The following HS6ST3 variants were observed in gnomAD, a reference collection of about 807,000 sequenced individuals.
The protein encoded by HS6ST3 is heparan sulfate 6-O-sulfotransferase 3.
In HS6ST3, 12 loss-of-function variants were observed where a neutral mutation model predicts 36.7. That is an observed-to-expected ratio of 0.33 (90% CI 0.21 to 0.53). HS6ST3 has a LOEUF of 0.53. Among genes scored for constraint, HS6ST3 ranks in the 20% least tolerant of loss-of-function variants. The probability of loss-of-function intolerance (pLI) is 0.95; values close to 1 mark genes in which losing one functional copy is unlikely to be tolerated. For missense variants in HS6ST3, 584 were observed against 640.9 expected, an observed-to-expected ratio of 0.91 and a Z score of 0.96; for synonymous variants, 240 against 257.5, an observed-to-expected ratio of 0.93 and a Z score of 0.65.
chr13:96,319,327 C>T (rs935942111), intron 1 of HS6ST3, among the ~76,000 whole-genome samples: 19 of 152,166 alleles, frequency 1.2e-4, no homozygotes, highest in Non-Finnish European at 2.1e-4. Flanking sequence ...CTTATAACGG[C>T]ACTTCATTTT....
intron 1 of HS6ST3, among the ~76,000 whole-genome samples, chr13:96,122,561 AC>A (rs943973755): frequency 6.6e-6 from 1 of 152,226 alleles, no homozygotes; most frequent in African/African-American, 2.4e-5. Context: ...AGAAAGACAC[AC>A]ACAAAATTAA....
At chr13:96,117,697 G>A (rs980051395) in intron 1 of HS6ST3, among the ~76,000 whole-genome samples, 1 of 152,270 alleles carries the variant, frequency 6.6e-6, no homozygotes. Context: ...CTTTATGTTA[G>A]TTGTAAACTA....
At chr13:96,219,431 TTC>T (rs1241697840) in intron 1 of HS6ST3, among the ~76,000 whole-genome samples, 1 of 152,168 alleles carries the variant, frequency 6.6e-6, no homozygotes, top group Non-Finnish European at 1.5e-5. Flanking sequence ...TTTTCTTTCC[TTC>T]TGTTTGCCCA....
intron 1 of HS6ST3, among the ~76,000 whole-genome samples, chr13:96,684,827 A>G (rs1377650663): frequency 6.6e-6 from 1 of 152,054 alleles, no homozygotes; most frequent in Admixed American, 6.6e-5. Flanking sequence ...AGACCCGCCC[A>G]AGCAAGAAGC....
intron 1 of HS6ST3, among the ~76,000 whole-genome samples, chr13:96,562,241 G>C (rs998123408): frequency 7.2e-5 from 11 of 152,166 alleles, no homozygotes; most frequent in Non-Finnish European, 1.5e-4. Context: ...GGATGCAGCT[G>C]GTGGCCATTA....
intron 1 of HS6ST3, among the ~76,000 whole-genome samples, chr13:96,577,838 A>G (rs1329849563): frequency 1.3e-5 from 2 of 152,218 alleles, no homozygotes; most frequent in Non-Finnish European, 2.9e-5. Flanking sequence ...AAGTCAGGAA[A>G]CAACAGATGC....
intron 1 of HS6ST3, among the ~76,000 whole-genome samples, chr13:96,200,337 C>T (rs991371905): frequency 3.9e-5 from 6 of 152,206 alleles, no homozygotes; most frequent in Non-Finnish European, 8.8e-5. Context: ...CCCCTACTTT[C>T]TTGACTTGAT....
intron 1 of HS6ST3, among the ~76,000 whole-genome samples, chr13:96,250,432 G>A: frequency 6.6e-6 from 1 of 152,216 alleles, no homozygotes; most frequent in East Asian, 1.9e-4. Flanking sequence ...CCAATGACAA[G>A]TGTCCTAGTA....
intron 1 of HS6ST3, among the ~76,000 whole-genome samples, chr13:96,650,441 T>A (rs1215858052): frequency 2.6e-5 from 4 of 152,056 alleles, no homozygotes; most frequent in Non-Finnish European, 5.9e-5. Context: ...CTACATTCTT[T>A]CTTGGTGGGT....
intron 1 of HS6ST3, among the ~76,000 whole-genome samples, chr13:96,534,810 T>C (rs1023423826): frequency 2.0e-5 from 3 of 151,936 alleles, no homozygotes; most frequent in African/African-American, 7.3e-5. Flanking sequence ...GATACAAAAA[T>C]TAGCCAGGCA....
At chr13:96,624,740 A>G (rs1216761546) in intron 1 of HS6ST3, among the ~76,000 whole-genome samples, 1 of 152,174 alleles carries the variant, frequency 6.6e-6, no homozygotes, top group African/African-American at 2.4e-5. Flanking sequence ...TTGTTTGCTC[A>G]GTTTTGTTTT....
At chr13:96,369,154 G>T (rs943975666) in intron 1 of HS6ST3, among the ~76,000 whole-genome samples, 7 of 152,070 alleles carry the variant, frequency 4.6e-5, no homozygotes, top group Non-Finnish European at 1.0e-4. Context: ...CCAGTGCATT[G>T]CCATAGGTTC....
intron 1 of HS6ST3, among the ~76,000 whole-genome samples, chr13:96,383,960 C>T (rs2055354837): frequency 6.6e-6 from 1 of 152,148 alleles, no homozygotes; most frequent in Non-Finnish European, 1.5e-5. Context: ...AGAAGAGACA[C>T]TAAAGGAAAT....
chr13:96,269,906 A>T (rs1430880484), intron 1 of HS6ST3, among the ~76,000 whole-genome samples: 2 of 152,050 alleles, frequency 1.3e-5, no homozygotes, highest in East Asian at 3.9e-4. Flanking sequence ...CAACTATCTC[A>T]GCCACTTGGA....
At chr13:96,696,892 C>T (rs1471887484) in intron 1 of HS6ST3, among the ~76,000 whole-genome samples, 2 of 152,034 alleles carry the variant, frequency 1.3e-5, no homozygotes, top group East Asian at 3.9e-4. Context: ...GAATGTAGTC[C>T]ACACGTACAG....
At chr13:96,365,887 C>T (rs552657023) in intron 1 of HS6ST3, among the ~76,000 whole-genome samples, 53 of 152,126 alleles carry the variant, frequency 3.5e-4, no homozygotes, top group African/African-American at 1.3e-3. Flanking sequence ...TTGGGTAAGT[C>T]AAAAGCCCTG....
chr13:96,613,004 T>C lies in HS6ST3; in HGVS notation c.708-219486T>C, dbSNP rs2056461681. Among the ~76,000 whole-genome samples the C allele has an allele frequency of 3.3e-5, 5 of 152,198 alleles. No homozygotes were observed. The South Asian group carries it at 8.3e-4, about 25-fold the overall frequency. Reference sequence around the variant, plus strand: ...CCTGTAATCTTCTTCCAAAAGAAAGTTGCAGACCTCCTTCACTGATTCAGG... The same window carrying C: ...CCTGTAATCTTCTTCCAAAAGAAAGCTGCAGACCTCCTTCACTGATTCAGG... On this transcript the variant is annotated intron_variant, in intron 1 of 1. Coordinates refer to ENST00000376705, the MANE Select transcript of HS6ST3 (RefSeq NM_153456.4).
intron 1 of HS6ST3, among the ~76,000 whole-genome samples, chr13:96,783,350 T>A (rs1877570601): frequency 6.6e-6 from 1 of 152,172 alleles, no homozygotes; most frequent in Non-Finnish European, 1.5e-5. Context: ...AAACTAAACA[T>A]CAGGAGGCTG....
intron 1 of HS6ST3, among the ~76,000 whole-genome samples, chr13:96,771,383 C>G (rs1877260660): frequency 6.6e-6 from 1 of 151,850 alleles, no homozygotes; most frequent in South Asian, 2.1e-4. Context: ...AACAAACCTG[C>G]ACGTTGTGCA....
Sources: allele counts gnomAD v4.1 joint callset (sites outside exome capture counted in the v4.1 genomes callset), GRCh38; gene constraint gnomAD v4.1.1; transcripts MANE v1.5; gene names NCBI Gene and HGNC (gene_info 2026-07-23, HGNC 2026-07-21).